NLRP14: variants seen among roughly 807,000 people sequenced by gnomAD.
NLRP14 encodes the protein NLR family pyrin domain containing 14, also known as NACHT, LRR and PYD domains-containing protein 14.
In NLRP14, 105 loss-of-function variants were observed where a neutral mutation model predicts 94.7. That is an observed-to-expected ratio of 1.11 (90% confidence interval 0.95 to 1.30). The LOEUF (loss-of-function observed/expected upper bound fraction) is 1.30. Ranked by LOEUF, NLRP14 falls within the 50% of genes most tolerant of loss-of-function variation. NLRP14 has a pLI of 0.00. For synonymous variants in NLRP14, 508 were observed against 459.9 expected (o/e 1.10, Z -1.34); for missense variants, 1,362 against 1,254.1 (o/e 1.09, Z -1.30).
the NLRP14 span, among the ~76,000 whole-genome samples, chr11:7,083,209 TGA>T: frequency 6.6e-6 from 1 of 152,234 alleles, no homozygotes; most frequent in Non-Finnish European, 1.5e-5. Flanking sequence ...TTGTTGAGTG[TGA>T]GCACACATTT....
chr11:7,072,567 C>G (rs2119731291), downstream of NLRP14, among the ~76,000 whole-genome samples: 1 of 152,320 alleles, frequency 6.6e-6, no homozygotes, highest in Admixed American at 6.5e-5. Flanking sequence ...CTGTTGATCC[C>G]TCCCTTGGGC....
chr11:7,024,324 C>T (rs1265654341), intron 1 of NLRP14, among the ~76,000 whole-genome samples: 1 of 152,114 alleles, frequency 6.6e-6, no homozygotes, highest in Non-Finnish European at 1.5e-5. Flanking sequence ...CCAAAAAATA[C>T]CAAGAGGGAA....
intron 3 of NLRP14, among the ~76,000 whole-genome samples, chr11:7,042,026 T>C (rs1455871044): frequency 6.6e-6 from 1 of 151,932 alleles, no homozygotes; most frequent in Admixed American, 6.6e-5. Context: ...CTCTGTTCTT[T>C]TTTTTTTTAA....
chr11:7,047,037 T>G (rs1028090610), intron 5 of NLRP14, among the ~76,000 whole-genome samples: 2 of 152,188 alleles, frequency 1.3e-5, no homozygotes, highest in African/African-American at 4.8e-5. Flanking sequence ...ATAGTAGCTG[T>G]TCACATGGGT....
intron 4 of NLRP14, among the ~76,000 whole-genome samples, chr11:7,045,854 C>T (rs1589863709): frequency 6.6e-6 from 1 of 151,966 alleles, no homozygotes; most frequent in Non-Finnish European, 1.5e-5. Flanking sequence ...TGAATTTTCA[C>T]AGTTGTCCTA....
intron 1 of NLRP14, among the ~76,000 whole-genome samples, chr11:7,033,762 G>A (rs576020410): frequency 1.3e-5 from 2 of 152,272 alleles, no homozygotes; most frequent in East Asian, 3.9e-4. Flanking sequence ...AGATTCCTCT[G>A]GTCTGTGAAA....
the NLRP14 span, chr11:7,090,040 G>T: frequency 2.5e-6 from 4 of 1,612,864 alleles, no homozygotes; most frequent in Non-Finnish European, 2.5e-6. Context: ...GGAGGAGGCC[G>T]CTACGAGGAG....
the NLRP14 span, among the ~76,000 whole-genome samples, chr11:7,084,266 C>G: frequency 6.6e-6 from 1 of 152,134 alleles, no homozygotes; most frequent in Non-Finnish European, 1.5e-5. Context: ...TAGTGTATTC[C>G]TATTTTGACA....
chr11:7,060,651 T>C (rs760463046), intron 9 of NLRP14, among the ~76,000 whole-genome samples: 2 of 152,018 alleles, frequency 1.3e-5, no homozygotes, highest in African/African-American at 2.4e-5. Context: ...TTCAAATAAA[T>C]GGAAAGGGGA....
At chr11:7,051,370 C>T (rs1030380748) in intron 6 of NLRP14, among the ~76,000 whole-genome samples, 3 of 152,064 alleles carry the variant, frequency 2.0e-5, no homozygotes, top group African/African-American at 7.2e-5. Context: ...TATGAATGTC[C>T]TCATTAGTTT....
Position 7,047,763 on chromosome 11 carries a change from C to CTTTTTT in NLRP14, c.2123+935_2123+936insTTTTTT, listed in dbSNP as rs370253823. On this transcript the variant is annotated intron_variant, in intron 5 of 11. Coordinates refer to ENST00000299481, the MANE Select transcript of NLRP14 (RefSeq NM_176822.4). Reference sequence around the variant, plus strand: ...AATTTATCTTCTTTCTCTTTCTTTTCTTTTCTTTTTTTTTTTTGAGACAGT... The same window carrying CTTTTTT: ...AATTTATCTTCTTTCTCTTTCTTTTCTTTTTTTTTTCTTTTTTTTTTTTGAGACAGT... Among the ~76,000 whole-genome samples the CTTTTTT allele has an allele frequency of 1.1e-3, 138 of 123,790 alleles. 7 individuals carry two copies. Among genetic ancestry groups the CTTTTTT allele is most frequent in the East Asian group, 1.6e-3 (7 of 4,318 alleles). The allele number at this position is 123,790 out of a possible 152,430, so 81.2% of individuals were successfully genotyped here.
At chr11:7,089,458 G>A in the NLRP14 span, 27 of 1,337,244 alleles carry the variant, frequency 2.0e-5, no homozygotes, top group African/African-American at 3.1e-5. Context: ...GGAACCCGCG[G>A]GGGTGGCGGC....
intron 4 of NLRP14, 119 bp downstream of exon 4, chr11:7,044,103 C>A: frequency 1.0e-6 from 1 of 982,484 alleles, no homozygotes; most frequent in South Asian, 1.4e-5. Context: ...TGGAGTTGTC[C>A]CATCTTGAGG....
the NLRP14 span, among the ~76,000 whole-genome samples, chr11:7,079,543 A>T: frequency 1.3e-5 from 2 of 152,212 alleles, no homozygotes; most frequent in Non-Finnish European, 2.9e-5. Context: ...TTACTTAATA[A>T]TTTTTCAAAA....
In NLRP14 at chr11:7,070,360, T is replaced by C. The variant is rs369115681; in HGVS notation, c.3050T>C (p.Ile1017Thr). Residue 1017 changes from isoleucine (I) to threonine (T), a missense_variant, in exon 11 of 12, where the codon ATA (isoleucine) becomes ACA (threonine). By Grantham distance (89) the Ile-to-Thr change is moderately conservative. Transcript: ENST00000299481. ...SSALICNKRL[I>T]KMNLTQNTLG... is the part of the protein sequence containing the mutation. ...GCTCTTATCTGCAACAAAAGACTGA[T>C]AAAAATGAATCTGACACAGAATACC... 1.2e-5 allele frequency: 19 copies of C among 1,610,456 alleles called. No homozygotes were observed. Among genetic ancestry groups the C allele is most frequent in the Admixed American group, 1.7e-5 (1 of 59,994 alleles).
At chr11:7,053,921 A>G (rs985557821) in intron 6 of NLRP14, among the ~76,000 whole-genome samples, 6 of 152,062 alleles carry the variant, frequency 3.9e-5, no homozygotes, top group African/African-American at 1.4e-4. Flanking sequence ...TTTTGTACCC[A>G]TTAACCATTC....
chr11:7,088,875 A>C, the NLRP14 span, among the ~76,000 whole-genome samples: 4 of 152,208 alleles, frequency 2.6e-5, no homozygotes, highest in Non-Finnish European at 2.9e-5. Flanking sequence ...CAGGAAGTTA[A>C]AGACTGAAAA....
At chr11:7,051,666 G>C (rs1313585275) in intron 6 of NLRP14, among the ~76,000 whole-genome samples, 2 of 152,126 alleles carry the variant, frequency 1.3e-5, no homozygotes, top group South Asian at 4.1e-4. Flanking sequence ...ACCCAGGCTG[G>C]AGTGCAGTGG....
At chr11:7,045,770 T>C (rs2119631600) in intron 4 of NLRP14, among the ~76,000 whole-genome samples, 1 of 151,686 alleles carries the variant, frequency 6.6e-6, no homozygotes, top group Admixed American at 6.6e-5. Context: ...TATATATGTA[T>C]ATAACAGTTA....
Sources: gnomAD v4.1 joint callset for allele counts (sites outside exome capture counted in the v4.1 genomes callset) on GRCh38, gnomAD v4.1.1 for gene constraint, MANE v1.5 for transcripts, NCBI Gene and HGNC (gene_info 2026-07-23, HGNC 2026-07-21) for gene names.